Variants in JPH3 observed in about 807,000 individuals in gnomAD.
The protein encoded by JPH3 is junctophilin 3.
In JPH3, 11 loss-of-function variants were observed where a neutral mutation model predicts 59.6. That is an observed-to-expected ratio of 0.18 (90% CI 0.12 to 0.31). The LOEUF is 0.31. Ranked by LOEUF, JPH3 falls within the 10% of genes least tolerant of loss-of-function variation. The pLI, the probability that JPH3 is intolerant of heterozygous loss-of-function variation, is 1.00. For synonymous variants in JPH3, 673 were observed against 483.6 expected (o/e 1.39, Z -5.14); for missense variants, 1,202 against 1,105.7 (o/e 1.09, Z -1.24).
At chr16:87,667,442 C>G (rs780967598) in intron 2 of JPH3, among the ~76,000 whole-genome samples, 1 of 152,206 alleles carries the variant, frequency 6.6e-6, no homozygotes, top group African/African-American at 2.4e-5. Flanking sequence ...TTCTGTCTGC[C>G]GCCCGACTTC....
In JPH3 at chr16:87,602,534, A is replaced by ACGCCGCCGC. The variant is rs987061333; in HGVS notation, c.-608_-600dup. On this transcript the variant is annotated 5_prime_UTR_variant, in exon 1 of 5. Coordinates refer to ENST00000284262, the MANE Select transcript of JPH3 (RefSeq NM_020655.4). The stretch of plus-strand genomic sequence containing the variant: ...AGCGCGCGAGCCGGGCCCGGAGCGC[A>ACGCCGCCGC]CGCCGCCGCCGCCACCGCCGCCGCC... 7.6e-5 allele frequency among the ~76,000 whole-genome samples: 10 copies of ACGCCGCCGC among 132,200 alleles called. No homozygotes were observed. The highest frequency in any genetic ancestry group is 2.7e-4 in the South Asian group (1 of 3,764). The allele number at this position is 132,200 out of a possible 152,430, so 86.7% of individuals were successfully genotyped here.
intron 1 of JPH3, among the ~76,000 whole-genome samples, chr16:87,606,560 A>G (rs933174630): frequency 3.3e-5 from 5 of 152,096 alleles, no homozygotes; most frequent in Non-Finnish European, 2.9e-5. Context: ...TCCCTGCCCT[A>G]CATGCCCTGT....
Position 87,637,256 on chromosome 16 carries a change from G to A in JPH3, c.383-7002G>A, listed in dbSNP as rs759685573. 3.3e-5 allele frequency among the ~76,000 whole-genome samples: 5 copies of A among 152,136 alleles called. No homozygotes were observed. The South Asian group carries it at 8.3e-4, about 25-fold the overall frequency. On this transcript the variant is annotated intron_variant, in intron 1 of 4. Transcript: ENST00000284262. Reference sequence around the variant, plus strand: ...AATTCAGTGGCACTAGCACATTCACGGGGTTCTGATCATCAGCTCTATCAG... The same window carrying A: ...AATTCAGTGGCACTAGCACATTCACAGGGTTCTGATCATCAGCTCTATCAG...
intron 1 of JPH3, among the ~76,000 whole-genome samples, chr16:87,642,533 C>G (rs1035301096): frequency 6.6e-6 from 1 of 152,252 alleles, no homozygotes; most frequent in African/African-American, 2.4e-5. Flanking sequence ...ACCTACGTAT[C>G]AGTAAGTCTC....
intron 1 of JPH3, among the ~76,000 whole-genome samples, chr16:87,643,389 T>TCC (rs143116228): frequency 1.1e-4 from 16 of 150,856 alleles, no homozygotes. Context: ...CACCCTCCCT[T>TCC]CTTCTGGGGA....
intron 2 of JPH3, chr16:87,654,026 A>T (rs1291494560): frequency 6.6e-6 from 1 of 152,262 alleles, no homozygotes; most frequent in Non-Finnish European, 1.5e-5. Flanking sequence ...AGTCTCCAGG[A>T]TGAAGACCAG....
At chr16:87,643,999 A>C (rs1308067340) in intron 1 of JPH3, among the ~76,000 whole-genome samples, 1 of 152,162 alleles carries the variant, frequency 6.6e-6, no homozygotes, top group Non-Finnish European at 1.5e-5. Context: ...GTAGTGGAGC[A>C]TGGTGGTGCA....
At chr16:87,692,761 TGGTG>T (rs2033632101) in intron 4 of JPH3, among the ~76,000 whole-genome samples, 1 of 152,200 alleles carries the variant, frequency 6.6e-6, no homozygotes, top group Non-Finnish European at 1.5e-5. Context: ...TATGACCTGA[TGGTG>T]GGGTCCAGGG....
At position 87,602,658 on chromosome 16, in the gene JPH3, GCCGCCGCCGCCGCCCGCGGGCC is replaced by G. The variant is rs912156876; in HGVS notation, c.-477_-456del. 7.3e-6 allele frequency among the ~76,000 whole-genome samples: 1 copy of G among 137,482 alleles called. No individual in the cohort carries two copies. Among genetic ancestry groups the G allele is most frequent in the Non-Finnish European group, 1.6e-5 (1 of 62,700 alleles). The allele number at this position is 137,482 out of a possible 152,430, so 90.2% of individuals were successfully genotyped here. On this transcript the variant is annotated 5_prime_UTR_variant, in exon 1 of 5. It removes the in-frame stop codon of an upstream open reading frame in the 5' UTR. Coordinates refer to ENST00000284262, the MANE Select transcript of JPH3 (RefSeq NM_020655.4). ...TGCAGCCGCCAGCGCCGCCGCCCGTGCCGCCGCCGCCGCCCGCGGGCCCCGCCGCCGCCCTCGGGCGCCCGCA... is the reference window on the plus strand; with the variant it reads ...TGCAGCCGCCAGCGCCGCCGCCCGTGCCGCCGCCGCCCTCGGGCGCCCGCA...
At position 87,604,324 on chromosome 16, in the gene JPH3, C is replaced by CTGCTGCTGCTGA. The variant is rs764675528; in HGVS notation, c.382+801_382+802insCTGCTGATGCTG. 34 of 1,465,890 alleles carry CTGCTGCTGCTGA rather than the reference C, an allele frequency of 2.3e-5. 1 individual carries two copies. The African/African-American group carries it at 4.3e-4, about 18-fold the overall frequency. 90.8% of individuals were successfully genotyped at this position (1,465,890 alleles called of 1,614,324 possible). A position where few individuals can be genotyped will look rare whatever the true frequency, so the allele number is the denominator to read the frequency against. ...GCTGCTGCTGCTGCTGCTGCTGCTG[C>CTGCTGCTGCTGA]TGCTGTAAGATGGTTTCTGTGCAGG... is the stretch of plus-strand genomic sequence containing the variant. On this transcript the variant is annotated intron_variant, in intron 1 of 4. Transcript: ENST00000284262.
chr16:87,625,941 C>T (rs1383049359), intron 1 of JPH3, among the ~76,000 whole-genome samples: 1 of 152,248 alleles, frequency 6.6e-6, no homozygotes, highest in Non-Finnish European at 1.5e-5. Flanking sequence ...AGCCCCTGCA[C>T]AGCGCACGTT....
In JPH3 at chr16:87,690,164, G is replaced by C. The variant is rs2033528753; in HGVS notation, c.1804G>C (p.Glu602Gln). The part of the protein sequence containing the change: ...NHSPGGSRLL[E>Q]LQEEKLSNYR... ...CAGCCCCGGAGGCTCCAGGCTGCTG[G>C]AGCTGCAGGAGGAGAAGCTGAGCAA... Residue 602 changes from glutamate (E) to glutamine (Q), a missense_variant, in exon 4 of 5, where the codon GAG (glutamate) becomes CAG (glutamine). Physicochemically the swap from Glu to Gln is conservative, Grantham distance 29. Coordinates refer to ENST00000284262, the MANE Select transcript of JPH3 (RefSeq NM_020655.4). 6.3e-7 allele frequency: 1 copy of C among 1,599,128 alleles called. No individual in the cohort carries two copies. The highest frequency in any genetic ancestry group is 8.5e-7 in the Non-Finnish European group (1 of 1,173,264).
At chr16:87,652,128 C>A (rs535645761) in intron 2 of JPH3, among the ~76,000 whole-genome samples, 1 of 152,334 alleles carries the variant, frequency 6.6e-6, no homozygotes, top group Non-Finnish European at 1.5e-5. Flanking sequence ...GCGCCCACCA[C>A]CGTGCCCAGC....
At chr16:87,669,582 T>A (rs1198991464) in intron 2 of JPH3, among the ~76,000 whole-genome samples, 2 of 152,024 alleles carry the variant, frequency 1.3e-5, no homozygotes, top group African/African-American at 4.8e-5. Flanking sequence ...CAGACGTGGG[T>A]CAGTGGCCCG....
intron 1 of JPH3, among the ~76,000 whole-genome samples, chr16:87,609,423 C>G (rs114486215): frequency 0.024 from 3,680 of 152,258 alleles, 141 homozygotes; most frequent in African/African-American, 0.081. Flanking sequence ...TACACCACCA[C>G]ACCTGGCTAA....
At chr16:87,623,374 T>TG (rs956296040) in intron 1 of JPH3, among the ~76,000 whole-genome samples, 26 of 152,200 alleles carry the variant, frequency 1.7e-4, no homozygotes, top group African/African-American at 6.0e-4. Context: ...GTGAGGCTCA[T>TG]GGGGGGCTCC....
intron 2 of JPH3, among the ~76,000 whole-genome samples, chr16:87,662,758 C>T (rs1000306426): frequency 1.3e-5 from 2 of 152,210 alleles, no homozygotes; most frequent in African/African-American, 2.4e-5. Flanking sequence ...GTAGCTCAGA[C>T]CCTCCTCAGC....
chr16:87,661,125 A>G (rs1403397762), intron 2 of JPH3, among the ~76,000 whole-genome samples: 1 of 152,198 alleles, frequency 6.6e-6, no homozygotes, highest in Non-Finnish European at 1.5e-5. Flanking sequence ...CAGCTTCCAG[A>G]GGCCGCCTGC....
chr16:87,684,001 CA>C (rs2033356405), intron 2 of JPH3, 140 bp from the exon 3 acceptor site: 4 of 629,616 alleles, frequency 6.4e-6, no homozygotes, highest in Non-Finnish European at 1.1e-5. Flanking sequence ...GAACAAGATC[CA>C]GAAGTCTGAG....
Sources: gnomAD v4.1 joint callset for allele counts (sites outside exome capture counted in the v4.1 genomes callset) on GRCh38, gnomAD v4.1.1 for gene constraint, MANE v1.5 for transcripts, NCBI Gene and HGNC (gene_info 2026-07-23, HGNC 2026-07-21) for gene names.